RNF125: variants seen among roughly 807,000 people sequenced by gnomAD.
RNF125 encodes the protein ring finger protein 125, also known as E3 ubiquitin-protein ligase RNF125.
A neutral mutation model predicts 26.0 loss-of-function variants in RNF125; 21 were observed. The observed-to-expected ratio is 0.81, with a 90% CI of 0.57 to 1.16. The LOEUF (loss-of-function observed/expected upper bound fraction) is 1.16, where lower values mean the gene tolerates loss of function less well. RNF125 is among the 50% of genes most tolerant of loss of function. The probability of loss-of-function intolerance (pLI) is 0.00; values close to 1 mark genes in which losing one functional copy is unlikely to be tolerated. For missense variants in RNF125, 270 were observed against 299.4 expected (o/e 0.90, Z 0.72); for synonymous variants, 95 against 109.2 (o/e 0.87, Z 0.81).
chr18:32,055,462 C>T (rs1310270824), intron 4 of RNF125, among the ~76,000 whole-genome samples: 1 of 152,200 alleles, frequency 6.6e-6, no homozygotes, highest in East Asian at 1.9e-4. Context: ...TTGCACATGG[C>T]TGGGGTGGCC....
At chr18:32,033,922 C>CTGTGTGCTAACAACATA (rs1422974330) in intron 1 of RNF125, among the ~76,000 whole-genome samples, 2 of 151,782 alleles carry the variant, frequency 1.3e-5, no homozygotes, top group Non-Finnish European at 2.9e-5. Context: ...GATATCCCAT[C>CTGTGTGCTAACAACATA]CCCAGAAAAC....
chr18:32,075,016 C>T (rs1422220262), downstream of RNF125, among the ~76,000 whole-genome samples: 1 of 152,168 alleles, frequency 6.6e-6, no homozygotes, highest in African/African-American at 2.4e-5. Context: ...AGTATTTTCT[C>T]AGTGTACTCC....
intron 4 of RNF125, among the ~76,000 whole-genome samples, chr18:32,048,718 T>C (rs754645981): frequency 1.5e-4 from 23 of 151,856 alleles, no homozygotes; most frequent in Non-Finnish European, 2.6e-4. Flanking sequence ...GCCTAGGGAG[T>C]TGGCAATTGG....
the RNF125 span, among the ~76,000 whole-genome samples, chr18:32,079,270 G>T: frequency 6.6e-6 from 1 of 152,128 alleles, no homozygotes; most frequent in African/African-American, 2.4e-5. Flanking sequence ...CTTATAAGGG[G>T]ATTAATCTCC....
At chr18:32,058,218 G>A (rs914257190) in intron 4 of RNF125, among the ~76,000 whole-genome samples, 1 of 151,916 alleles carries the variant, frequency 6.6e-6, no homozygotes, top group Non-Finnish European at 1.5e-5. Flanking sequence ...TGCATAGTAG[G>A]TGTATATATT....
the RNF125 span, among the ~76,000 whole-genome samples, chr18:32,090,306 G>C: frequency 2.0e-5 from 3 of 152,160 alleles, no homozygotes; most frequent in African/African-American, 7.2e-5. Flanking sequence ...TGAACTCAAA[G>C]AACCATTTTA....
rs1207213232 is a variant in RNF125, at chr18:32,070,431, A to G, written c.*2047A>G. The G allele has an allele frequency of 6.6e-6, 1 of 152,264 alleles. No individual in the cohort carries two copies. Among genetic ancestry groups the G allele is most frequent in the Non-Finnish European group, 1.5e-5 (1 of 68,098 alleles). 9.4% of individuals were successfully genotyped at this position (152,264 alleles called of 1,614,324 possible). A position where few individuals can be genotyped will look rare whatever the true frequency, so the allele number is the denominator to read the frequency against. Reference sequence around the variant, plus strand: ...TGTGATCCGCCCACCTCAGCCTTCCAAAGTGCTGGGATTATAGGCGTGAGC... The same window carrying G: ...TGTGATCCGCCCACCTCAGCCTTCCGAAGTGCTGGGATTATAGGCGTGAGC... On this transcript the variant is annotated 3_prime_UTR_variant, in exon 6 of 6. Transcript: ENST00000217740.
intron 4 of RNF125, among the ~76,000 whole-genome samples, chr18:32,059,341 G>C (rs895053000): frequency 9.9e-5 from 15 of 152,178 alleles, no homozygotes; most frequent in Non-Finnish European, 2.2e-4. Flanking sequence ...ATATCTCATT[G>C]TAGTTTTGAT....
chr18:32,046,596 C>CA (rs34644068), intron 4 of RNF125, among the ~76,000 whole-genome samples: 28,847 of 95,818 alleles, frequency 0.3, 4,334 homozygotes, highest in Middle Eastern at 0.41. Context: ...GACTCTGTCT[C>CA]AAAAAAAAAA....
intron 1 of RNF125, among the ~76,000 whole-genome samples, chr18:32,028,285 G>A (rs1159827845): frequency 7.0e-5 from 9 of 128,614 alleles, no homozygotes; most frequent in Admixed American, 6.1e-4. Flanking sequence ...GCAACAGAGC[G>A]AGACTCCGTC....
intron 2 of RNF125, 21 bp downstream of exon 2, chr18:32,037,290 A>G (rs777929709): frequency 8.3e-6 from 12 of 1,447,576 alleles, no homozygotes; most frequent in East Asian, 5.9e-5. Context: ...GACCCCACCT[A>G]TTTTCATGGT....
At chr18:32,039,396 C>CA (rs981218668) in intron 2 of RNF125, among the ~76,000 whole-genome samples, 5 of 151,698 alleles carry the variant, frequency 3.3e-5, no homozygotes, top group African/African-American at 1.2e-4. Context: ...ACTCTCTCAA[C>CA]AAAAAAGAGG....
chr18:32,068,023 A>G (rs13381673), intron 5 of RNF125, among the ~76,000 whole-genome samples: 7,888 of 152,286 alleles, frequency 0.052, 421 homozygotes, highest in African/African-American at 0.14. Context: ...AATGGTGACT[A>G]AAAACTTCTC....
chr18:32,066,013 A>G lies in RNF125; in HGVS notation c.612+4A>G. On this transcript the variant is annotated splice_donor_region_variant and intron_variant, in intron 5 of 5. Coordinates refer to ENST00000217740, the MANE Select transcript of RNF125 (RefSeq NM_017831.4). ...TTTGTTTTATGATGATTTCATAGTAAGTATATTTTCTTATTTTTACATTAT... is the reference window on the plus strand; with the variant it reads ...TTTGTTTTATGATGATTTCATAGTAGGTATATTTTCTTATTTTTACATTAT... The G allele has an allele frequency of 2.0e-6, 3 of 1,524,554 alleles. No homozygotes were observed. Among genetic ancestry groups the G allele is most frequent in the Non-Finnish European group, 2.7e-6 (3 of 1,099,310 alleles). 94.4% of individuals were successfully genotyped at this position (1,524,554 alleles called of 1,614,324 possible).
downstream of RNF125, among the ~76,000 whole-genome samples, chr18:32,075,352 G>A (rs2144528704): frequency 6.6e-6 from 1 of 152,212 alleles, no homozygotes; most frequent in African/African-American, 2.4e-5. Flanking sequence ...GAGGTCAGGA[G>A]TTCGAGACCA....
chr18:32,079,878 T>C, the RNF125 span, among the ~76,000 whole-genome samples: 22 of 152,228 alleles, frequency 1.4e-4, no homozygotes, highest in African/African-American at 5.3e-4. Context: ...CAACTGTATA[T>C]ATTATAGTTG....
intron 1 of RNF125, among the ~76,000 whole-genome samples, chr18:32,021,446 C>G (rs2038986297): frequency 6.6e-6 from 1 of 151,594 alleles, no homozygotes; most frequent in African/African-American, 2.4e-5. Context: ...AATTTACCCT[C>G]CTTTCTATTA....
the RNF125 span, among the ~76,000 whole-genome samples, chr18:32,090,166 A>G: frequency 9.8e-5 from 15 of 152,340 alleles, no homozygotes; most frequent in Middle Eastern, 3.4e-3. Flanking sequence ...GAGTTGCTTC[A>G]ACCTGGAAGG....
chr18:32,078,500 G>A, the RNF125 span, among the ~76,000 whole-genome samples: 1 of 151,898 alleles, frequency 6.6e-6, no homozygotes. Context: ...AGCTGGGCAC[G>A]GTGGCATGTG....
Sources: allele counts gnomAD v4.1 joint callset (sites outside exome capture counted in the v4.1 genomes callset), GRCh38; gene constraint gnomAD v4.1.1; transcripts MANE v1.5; gene names NCBI Gene and HGNC (gene_info 2026-07-23, HGNC 2026-07-21).